SCN4B: variants seen among roughly 807,000 people sequenced by gnomAD.
SCN4B encodes the protein sodium voltage-gated channel beta subunit 4, also known as sodium channel regulatory subunit beta-4.
SCN4B carries 20 observed loss-of-function variants against 19.6 expected under a neutral mutation model. The ratio of observed to expected loss-of-function variants is 1.02; its 90% CI spans 0.72 to 1.48. The LOEUF (loss-of-function observed/expected upper bound fraction) is 1.48, where lower values mean the gene tolerates loss of function less well. SCN4B is among the 40% of genes most tolerant of loss of function. The probability of loss-of-function intolerance (pLI) is 0.00; values close to 1 mark genes in which losing one functional copy is unlikely to be tolerated. For synonymous variants in SCN4B, 127 were observed against 122.8 expected (o/e 1.03, Z -0.22); for missense variants, 271 against 287.5 (o/e 0.94, Z 0.42).
chr11:118,143,354 T>C (rs1034241441), intron 3 of SCN4B, among the ~76,000 whole-genome samples: 2 of 152,252 alleles, frequency 1.3e-5, no homozygotes, highest in African/African-American at 4.8e-5. Flanking sequence ...GTATGCATCA[T>C]GTTCTGCCCA....
chr11:118,141,076 G>T, intron 4 of SCN4B, 131 bp downstream of exon 4: 1 of 1,003,338 alleles, frequency 1.0e-6, no homozygotes, highest in Non-Finnish European at 1.6e-6. Context: ...GGGTGGCAGG[G>T]ATAGAACAGA....
rs761539341 is a variant in SCN4B at position 118,145,108 on chromosome 11, G to A, written c.183C>T (p.Phe61=). 6.8e-6 allele frequency: 11 copies of A among 1,614,028 alleles called. No homozygotes were observed. The African/African-American group carries it at 1.3e-4, about 20-fold the overall frequency. The change falls in exon 2 of 5, where the codon TTC becomes TTT. Residue 61 remains phenylalanine (F), a synonymous_variant. Coordinates refer to ENST00000324727, the MANE Select transcript of SCN4B (RefSeq NM_174934.4). ...AGGTCCACCGGAAGTGGAGGTCCTC[G>A]AAGCCAAAGCAGCTGGAGAAGGTGC... ...LPCTFSSCFG[F]EDLHFRWTYN... is the part of the protein sequence containing the mutation.
chr11:118,141,062 GA>G (rs1948089517), intron 4 of SCN4B, 144 bp downstream of exon 4: 4 of 866,144 alleles, frequency 4.6e-6, no homozygotes, highest in East Asian at 2.4e-5. Context: ...GAGAGATGGG[GA>G]GGGGGTGGCA....
chr11:118,134,496 G>A lies in SCN4B; in HGVS notation c.*2531C>T, dbSNP rs1565451117. 1 of 454,066 alleles carries A rather than the reference G, an allele frequency of 2.2e-6. No homozygotes were observed. The highest frequency in any genetic ancestry group is 4.4e-6 in the Non-Finnish European group (1 of 226,792). The allele number at this position is 454,066 out of a possible 1,614,324, so 28.1% of individuals were successfully genotyped here. On this transcript the variant is annotated 3_prime_UTR_variant, in exon 5 of 5. Transcript: ENST00000324727. ...TGGGACAGGATGATTCTTTGTTGTG[G>A]GGACTAAGTTTAGCATTCTTAGTAG...
At position 118,135,185 on chromosome 11, in the gene SCN4B, C is replaced by G. The variant is rs117471801; in HGVS notation, c.*1842G>C. On this transcript the variant is annotated 3_prime_UTR_variant, in exon 5 of 5. Coordinates refer to ENST00000324727, the MANE Select transcript of SCN4B (RefSeq NM_174934.4). ...TCTGAGCCCCAGCCCATGACAGGTT[C>G]TGGGTAGAGAAGAATGGGAGGCGCA... 7.7e-3 allele frequency: 3,496 copies of G among 454,100 alleles called. 69 individuals carry two copies. Among genetic ancestry groups the G allele is most frequent in the East Asian group, 0.055 (788 of 14,398 alleles). The allele number at this position is 454,100 out of a possible 1,614,324, so 28.1% of individuals were successfully genotyped here. A position where few individuals can be genotyped will look rare whatever the true frequency, so the allele number is the denominator to read the frequency against.
Position 118,136,911 on chromosome 11 carries a change from A to G in SCN4B, c.*116T>C, listed in dbSNP as rs757215459. On this transcript the variant is annotated 3_prime_UTR_variant, in exon 5 of 5. Transcript: ENST00000324727. ...CTGGTTTCTTGTGCCCGGAAAGACT[A>G]CAGTTTGAGCCAAGCAGCAGATGTC... 6 of 756,454 alleles carry G rather than the reference A, an allele frequency of 7.9e-6. No individual in the cohort carries two copies. The Admixed American group carries it at 8.0e-5, about 10-fold the overall frequency. The allele number at this position is 756,454 out of a possible 1,614,324, so 46.9% of individuals were successfully genotyped here. A position where few individuals can be genotyped will look rare whatever the true frequency, so the allele number is the denominator to read the frequency against.
In SCN4B at chr11:118,143,997, C is replaced by T. The variant is rs779514077; in HGVS notation, c.299G>A (p.Arg100His). 6.8e-6 allele frequency: 11 copies of T among 1,614,040 alleles called. No individual in the cohort carries two copies. Among genetic ancestry groups the T allele is most frequent in the East Asian group, 2.2e-5 (1 of 44,888 alleles). Reference sequence around the variant, plus strand: ...CTTAGTAGAGCCTACCAGAGTGATGCGGTCATCGTCTTTCAACGTCACCTT... The same window carrying T: ...CTTAGTAGAGCCTACCAGAGTGATGTGGTCATCGTCTTTCAACGTCACCTT... ...DPKVTLKDDD[R>H]ITLVGSTKEK... The change falls in exon 3 of 5, where the codon CGC (arginine) becomes CAC (histidine). Residue 100 changes from arginine to histidine, a missense_variant. Transcript: ENST00000324727.
intron 2 of SCN4B, 140 bp downstream of exon 2, chr11:118,144,917 A>T: frequency 1.2e-6 from 1 of 842,904 alleles, no homozygotes; most frequent in Non-Finnish European, 2.1e-6. Context: ...GGCTCTGAAA[A>T]GAATACTGGG....
At chr11:118,140,113 T>C (rs567137444) in intron 4 of SCN4B, among the ~76,000 whole-genome samples, 30 of 152,286 alleles carry the variant, frequency 2.0e-4, no homozygotes, top group African/African-American at 7.0e-4. Context: ...AACCATATAT[T>C]GACAAATTTG....
Position 118,141,198 on chromosome 11 carries a change from T to G in SCN4B, c.593+9A>C. On this transcript the variant is annotated intron_variant, in intron 4 of 4. Coordinates refer to ENST00000324727, the MANE Select transcript of SCN4B (RefSeq NM_174934.4). The stretch of plus-strand genomic sequence containing the variant: ...TGGGAGGACAGGAGTGTGCTCCAGA[T>G]CAACTCACTTCTTCTCCCGAGTCTT... The G allele has an allele frequency of 6.2e-7, 1 of 1,612,902 alleles. No individual in the cohort carries two copies. Among genetic ancestry groups the G allele is most frequent in the South Asian group, 1.1e-5 (1 of 91,006 alleles).
rs764128063 is a variant in SCN4B at position 118,152,645 on chromosome 11, G to C, written c.29C>G (p.Ala10Gly). 1.9e-6 allele frequency: 3 copies of C among 1,611,806 alleles called. No homozygotes were observed. The highest frequency in any genetic ancestry group is 2.5e-6 in the Non-Finnish European group (3 of 1,178,768). Residue 10 changes from alanine to glycine, a missense_variant, in exon 1 of 5, where the codon GCC becomes GGC. Physicochemically the swap from Ala to Gly is moderately conservative, Grantham distance 60. Transcript: ENST00000324727. ...CCCAGTGCCCAGCCATCTCGCCGGG[G>C]CTTTGCCTCCGTCCCCAGCCCCGGG... Reference protein sequence around the residue: MPGAGDGGKAPARWLGTGLL... With the variant: MPGAGDGGKGPARWLGTGLL...
intron 1 of SCN4B, among the ~76,000 whole-genome samples, chr11:118,147,504 ACT>A (rs1948192322): frequency 6.6e-6 from 1 of 151,832 alleles, no homozygotes; most frequent in African/African-American, 2.4e-5. Flanking sequence ...GACCAACCAC[ACT>A]CTCCAAGAAA....
chr11:118,141,685 C>G (rs1948101208), intron 3 of SCN4B: 1 of 368,252 alleles, frequency 2.7e-6, no homozygotes, highest in East Asian at 6.1e-5. Flanking sequence ...ATTTCATTGC[C>G]TCTTTCTAGA....
chr11:118,144,300 C>T (rs1487291862), intron 2 of SCN4B, among the ~76,000 whole-genome samples: 2 of 152,146 alleles, frequency 1.3e-5, no homozygotes, highest in African/African-American at 4.8e-5. Context: ...ATTAAGGTCT[C>T]CCTGGAATGC....
rs1159024340 is a variant in SCN4B, at chr11:118,133,895, C to T, written c.*3132G>A. 2.2e-6 allele frequency: 1 copy of T among 454,432 alleles called. No individual in the cohort carries two copies. The highest frequency in any genetic ancestry group is 2.3e-5 in the Admixed American group (1 of 42,578). 28.1% of individuals were successfully genotyped at this position (454,432 alleles called of 1,614,324 possible). On this transcript the variant is annotated 3_prime_UTR_variant, in exon 5 of 5. Transcript: ENST00000324727. ...TCTCCAGATGCCTCAACAGGCATAG[C>T]TCAGGCCAAGAAAGACGGCTCCTCA...
rs1246344139 is a variant in SCN4B, at chr11:118,144,010, T to A, written c.286A>T (p.Lys96Ter). Residue 96 changes from lysine to a stop codon, truncating the protein, a stop_gained, in exon 3 of 5, where the codon AAA becomes TAA. Transcript: ENST00000324727. LOFTEE classifies it high-confidence loss of function. ...ACCAGAGTGATGCGGTCATCGTCTT[T>A]CAACGTCACCTTGGGGTCAGACTTC... is the stretch of plus-strand genomic sequence containing the variant. ...NEKSDPKVTL[K>*]DDDRITLVGS... 1 of 1,614,192 alleles carries A rather than the reference T, an allele frequency of 6.2e-7. No homozygotes were observed. Among genetic ancestry groups the A allele is most frequent in the South Asian group, 1.1e-5 (1 of 91,086 alleles).
chr11:118,147,952 C>A (rs1463239127), intron 1 of SCN4B, among the ~76,000 whole-genome samples: 1 of 152,218 alleles, frequency 6.6e-6, no homozygotes, highest in African/African-American at 2.4e-5. Context: ...AAAAGGAAAT[C>A]TTATTGATTG....
chr11:118,146,239 C>T (rs531317184), intron 1 of SCN4B, among the ~76,000 whole-genome samples: 25 of 152,336 alleles, frequency 1.6e-4, no homozygotes, highest in African/African-American at 6.0e-4. Flanking sequence ...GACTAGGCCT[C>T]TCCACTCACG....
At position 118,135,384 on chromosome 11, in the gene SCN4B, GA is replaced by G. The variant is rs1346902035; in HGVS notation, c.*1642del. On this transcript the variant is annotated 3_prime_UTR_variant, in exon 5 of 5. Transcript: ENST00000324727. ...CTCTGAGGTAGACCCCAAACTCTCT[GA>G]AAAAGGGGGCTACTCCTCTCTCATC... 2.2e-6 allele frequency: 1 copy of G among 454,028 alleles called. No homozygotes were observed. Among genetic ancestry groups the G allele is most frequent in the Non-Finnish European group, 4.4e-6 (1 of 226,760 alleles). The allele number at this position is 454,028 out of a possible 1,614,324, so 28.1% of individuals were successfully genotyped here.
Sources: gnomAD v4.1 joint callset for allele counts (sites outside exome capture counted in the v4.1 genomes callset) on GRCh38, gnomAD v4.1.1 for gene constraint, MANE v1.5 for transcripts, NCBI Gene and HGNC (gene_info 2026-07-23, HGNC 2026-07-21) for gene names.